The following DOCK1 variants were observed in gnomAD, a reference collection of about 807,000 sequenced individuals.
The protein encoded by DOCK1 is dedicator of cytokinesis 1.
A neutral mutation model predicts 262.7 loss-of-function variants in DOCK1; 138 were observed. The ratio of observed to expected loss-of-function variants is 0.53; its 90% CI spans 0.46 to 0.61. The LOEUF is 0.61. Among genes scored for constraint, DOCK1 ranks in the 20% least tolerant of loss-of-function variants. The probability of loss-of-function intolerance (pLI) is 0.00; values close to 1 mark genes in which losing one functional copy is unlikely to be tolerated. For missense variants in DOCK1, 1,908 were observed against 2,370.7 expected (o/e 0.80, Z 4.05); for synonymous variants, 866 against 867.4 (o/e 1.00, Z 0.03).
chr10:127,133,545 T>C (rs2050450781), intron 27 of DOCK1, among the ~76,000 whole-genome samples: 2 of 152,240 alleles, frequency 1.3e-5, no homozygotes, highest in South Asian at 2.1e-4. Flanking sequence ...TTGGGGCAGC[T>C]ACAGCAATTT....
intron 1 of DOCK1, among the ~76,000 whole-genome samples, chr10:126,919,783 C>T (rs1006305655): frequency 5.9e-5 from 9 of 152,214 alleles, no homozygotes; most frequent in African/African-American, 9.6e-5. Flanking sequence ...CCCTGCTAGA[C>T]GGAGGGCCCT....
chr10:127,065,786 G>A (rs1359389060), intron 23 of DOCK1, among the ~76,000 whole-genome samples: 2 of 152,022 alleles, frequency 1.3e-5, no homozygotes, highest in African/African-American at 2.4e-5. Flanking sequence ...GGTCAGAGGC[G>A]GAGGTTGCAG....
intron 46 of DOCK1, among the ~76,000 whole-genome samples, chr10:127,423,342 T>G (rs1353089045): frequency 6.6e-6 from 1 of 152,140 alleles, no homozygotes; most frequent in Non-Finnish European, 1.5e-5. Context: ...CTCTGATGCA[T>G]AAAATGGTTT....
At chr10:126,991,036 G>A (rs919357622) in intron 6 of DOCK1, among the ~76,000 whole-genome samples, 2 of 152,234 alleles carry the variant, frequency 1.3e-5, no homozygotes, top group Non-Finnish European at 2.9e-5. Context: ...TGGAAAGTTT[G>A]TCACCTGTGT....
At chr10:127,252,041 A>G (rs1237845587) in intron 28 of DOCK1, among the ~76,000 whole-genome samples, 28 of 150,954 alleles carry the variant, frequency 1.9e-4, no homozygotes, top group Admixed American at 2.6e-4. Flanking sequence ...ATCCTCTCCA[A>G]CACCTGTTGT....
intron 29 of DOCK1, among the ~76,000 whole-genome samples, chr10:127,270,011 C>T (rs1392759465): frequency 6.6e-6 from 1 of 152,162 alleles, no homozygotes; most frequent in African/African-American, 2.4e-5. Context: ...CTCCACCTGC[C>T]TCCTCTCCTT....
intron 40 of DOCK1, 107 bp from the exon 41 acceptor site, chr10:127,408,930 A>G: frequency 1.5e-6 from 2 of 1,377,558 alleles, no homozygotes; most frequent in Non-Finnish European, 1.9e-6. Flanking sequence ...AAATTTAATG[A>G]CATTTTGTAA....
At chr10:127,440,224 T>G (rs1323542920) in intron 49 of DOCK1, among the ~76,000 whole-genome samples, 1 of 151,590 alleles carries the variant, frequency 6.6e-6, no homozygotes, top group Non-Finnish European at 1.5e-5. Context: ...ACTGATAGAA[T>G]GAGGACCCAC....
At chr10:126,932,527 G>A (rs1023569106) in intron 1 of DOCK1, among the ~76,000 whole-genome samples, 1 of 152,206 alleles carries the variant, frequency 6.6e-6, no homozygotes, top group African/African-American at 2.4e-5. Flanking sequence ...TGTGAGGTTT[G>A]GAGAGGCGGA....
At chr10:127,168,542 C>A (rs1231931981) in intron 27 of DOCK1, among the ~76,000 whole-genome samples, 1 of 152,226 alleles carries the variant, frequency 6.6e-6, no homozygotes, top group Non-Finnish European at 1.5e-5. Context: ...TTCAGGACTG[C>A]AGAGGCTGTT....
chr10:127,194,815 C>A (rs187144352), intron 27 of DOCK1, among the ~76,000 whole-genome samples: 1 of 152,286 alleles, frequency 6.6e-6, no homozygotes, highest in African/African-American at 2.4e-5. Flanking sequence ...AGGCAGGGCT[C>A]CCCCAAAGTT....
Position 127,433,488 on chromosome 10 carries a change from A to T in DOCK1, c.5060+60A>T. ...GTGAGGGCTTGGGGGATCTGGAAGG[A>T]GCCACCCAGGGCTCTGGGTTTATTT... On this transcript the variant is annotated intron_variant, in intron 48 of 51. Coordinates refer to ENST00000623213, the MANE Select transcript of DOCK1 (RefSeq NM_001290223.2). 1.9e-6 allele frequency: 3 copies of T among 1,574,320 alleles called. No individual in the cohort carries two copies. The Admixed American group carries it at 5.5e-5, about 29-fold the overall frequency.
At position 127,176,223 on chromosome 10, in the gene DOCK1, T is replaced by C. The variant is rs774387247; in HGVS notation, c.2847+48459T>C. On this transcript the variant is annotated intron_variant, in intron 27 of 51. Coordinates refer to ENST00000623213, the MANE Select transcript of DOCK1 (RefSeq NM_001290223.2). The surrounding 1 kb of genome is among the most constrained non-coding windows in gnomAD (Gnocchi z 4.4). ...CGAGGACAGCTGTGTGTCCCTCTGC[T>C]CATTCTGTGCCTCGCAGATATCCTT... 1 of 1,614,008 alleles carries C rather than the reference T, an allele frequency of 6.2e-7. No individual in the cohort carries two copies. Among genetic ancestry groups the C allele is most frequent in the Non-Finnish European group, 8.5e-7 (1 of 1,180,030 alleles).
chr10:127,422,140 A>G (rs2068548434), intron 46 of DOCK1, among the ~76,000 whole-genome samples: 1 of 127,620 alleles, frequency 7.8e-6, no homozygotes, highest in Non-Finnish European at 1.6e-5. Flanking sequence ...CCCCAACAAG[A>G]CTTGTTATTT....
chr10:126,994,836 C>T lies in DOCK1; in HGVS notation c.474-1912C>T, dbSNP rs190000365. ...CCCGTTCTCAATGAGCTGTTGCGTA[C>T]ACCTCCCAGACGGGGTGGCCACCAG... is the stretch of plus-strand genomic sequence containing the variant. On this transcript the variant is annotated intron_variant, in intron 6 of 51. Coordinates refer to ENST00000623213, the MANE Select transcript of DOCK1 (RefSeq NM_001290223.2). Among the ~76,000 whole-genome samples the T allele has an allele frequency of 4.7e-4, 72 of 152,326 alleles. No homozygotes were observed. In the South Asian group the frequency reaches 0.014, roughly 31 times the overall value.
At chr10:127,249,408 T>TATACAC (rs111361547) in intron 28 of DOCK1, among the ~76,000 whole-genome samples, 1 of 151,290 alleles carries the variant, frequency 6.6e-6, no homozygotes, top group Non-Finnish European at 1.5e-5. Flanking sequence ...TATATACATA[T>TATACAC]ATATATACAT....
intron 27 of DOCK1, among the ~76,000 whole-genome samples, chr10:127,239,833 T>A (rs1268978038): frequency 6.6e-6 from 1 of 152,168 alleles, no homozygotes; most frequent in Non-Finnish European, 1.5e-5. Flanking sequence ...TGCTTTAGGA[T>A]CAAATGAATT....
At position 127,012,597 on chromosome 10, in the gene DOCK1, A is replaced by C. The variant is rs2041546220; in HGVS notation, c.1201+223A>C. ...AACATTGCTGAGAGCCCACTCCTGG[A>C]TGGAGAGTGGGGTCAGATTAGAAGT... On this transcript the variant is annotated intron_variant, in intron 12 of 51. Transcript: ENST00000623213. This position sits in a 1 kb window ranked among gnomAD's most constrained non-coding sequence, Gnocchi z 4.0. Among the ~76,000 whole-genome samples, 1 of 152,070 alleles carries C rather than the reference A, an allele frequency of 6.6e-6. No individual in the cohort carries two copies. Among genetic ancestry groups the C allele is most frequent in the African/African-American group, 2.4e-5 (1 of 41,388 alleles).
intron 38 of DOCK1, among the ~76,000 whole-genome samples, chr10:127,387,700 T>C (rs7098942): frequency 0.8 from 121,841 of 152,150 alleles, 48,877 homozygotes; most frequent in African/African-American, 0.85. Flanking sequence ...GAACAGTGCC[T>C]GGCACACAGC....
Sources: gnomAD v4.1 joint callset for allele counts (sites outside exome capture counted in the v4.1 genomes callset) on GRCh38, gnomAD v4.1.1 for gene constraint, Gnocchi (gnomAD v3.1) non-coding constraint, MANE v1.5 for transcripts, NCBI Gene and HGNC (gene_info 2026-07-23, HGNC 2026-07-21) for gene names.